The following DMP1 variants were observed in gnomAD, a reference collection of about 807,000 sequenced individuals.
The protein encoded by DMP1 is dentin matrix protein 1.
A neutral mutation model predicts 14.6 loss-of-function variants in DMP1; 20 were observed. The ratio of observed to expected loss-of-function variants is 1.37; its 90% CI spans 0.96 to 1.99. DMP1 has a LOEUF of 1.99. DMP1 is among the 30% of genes most tolerant of loss of function. DMP1 has a pLI of 0.00. For synonymous variants in DMP1, 197 were observed against 215.3 expected (o/e 0.91, Z 0.75); for missense variants, 567 against 620.5 (o/e 0.91, Z 0.92).
chr4:87,654,461 A>G (rs1252997195), intron 1 of DMP1, among the ~76,000 whole-genome samples: 1 of 152,188 alleles, frequency 6.6e-6, no homozygotes, highest in Non-Finnish European at 1.5e-5. Context: ...CAAATCAAAG[A>G]AAATGACTGA....
chr4:87,653,407 A>ATATATATATAATATATATATATATAT (rs1728582993), intron 1 of DMP1, among the ~76,000 whole-genome samples: 2 of 104,196 alleles, frequency 1.9e-5, no homozygotes, highest in Non-Finnish European at 4.0e-5. Context: ...ATATATATAT[A>ATATATATATAATATATATATATATAT]TATATATATA....
In DMP1 at chr4:87,659,428, C is replaced by T. The variant is rs192211990; in HGVS notation, c.136-3C>T. ...AGAAAAGTAAACATTTTTCCCCTTT[C>T]AGGAGAGCAGTGAGTCATCAGAAGG... On this transcript the variant is annotated splice_region_variant and splice_polypyrimidine_tract_variant and intron_variant, in intron 4 of 5. Coordinates refer to ENST00000339673, the MANE Select transcript of DMP1 (RefSeq NM_004407.4). 6.2e-7 allele frequency: 1 copy of T among 1,613,806 alleles called. No homozygotes were observed. Among genetic ancestry groups the T allele is most frequent in the African/African-American group, 1.3e-5 (1 of 74,918 alleles).
At chr4:87,654,360 A>G (rs1728626190) in intron 1 of DMP1, among the ~76,000 whole-genome samples, 1 of 152,136 alleles carries the variant, frequency 6.6e-6, no homozygotes, top group African/African-American at 2.4e-5. Flanking sequence ...GGGCAGGGGA[A>G]GGTCAGAGAG....
In DMP1 at chr4:87,659,239, C is replaced by A. The variant is rs1454653044; in HGVS notation, c.122C>A (p.Pro41Gln). The change falls in exon 4 of 6, where the codon CCA becomes CAA. Residue 41 changes from proline (P) to glutamine (Q), a missense_variant. Coordinates refer to ENST00000339673, the MANE Select transcript of DMP1 (RefSeq NM_004407.4). ...EEWKGHLAQA[P>Q]TPPLESSESS... is the part of the protein sequence containing the mutation. ...TTGCAGGGTCATTTGGCTCAGGCACCAACACCACCCTTGGTAACTATCTCA... is the reference window on the plus strand; with the variant it reads ...TTGCAGGGTCATTTGGCTCAGGCACAAACACCACCCTTGGTAACTATCTCA... The A allele has an allele frequency of 6.2e-7, 1 of 1,613,892 alleles. No homozygotes were observed. The highest frequency in any genetic ancestry group is 1.3e-5 in the African/African-American group (1 of 74,896).
chr4:87,659,373 G>GT, intron 4 of DMP1, 58 bp from the exon 5 acceptor site: 3 of 1,603,132 alleles, frequency 1.9e-6, no homozygotes, highest in Non-Finnish European at 2.6e-6. Context: ...TGTGTATCAT[G>GT]TTTTTTTCTT....
In DMP1 at chr4:87,661,403, T is replaced by C. The variant is rs187088868; in HGVS notation, c.184-559T>C. On this transcript the variant is annotated intron_variant, in intron 5 of 5. Transcript: ENST00000339673. ...CGCCCGGCTAATTTTTTGTATTTTT[T>C]AGTAGAGACGGGGTTTCACCGTGTT... Among the ~76,000 whole-genome samples, 674 of 151,882 alleles carry C rather than the reference T, an allele frequency of 4.4e-3. 5 individuals carry two copies. The highest frequency in any genetic ancestry group is 0.015 in the African/African-American group (635 of 41,446).
Position 87,662,405 on chromosome 4 carries a change from G to A in DMP1, c.627G>A (p.Glu209=). The change falls in exon 6 of 6, where the codon GAG becomes GAA. Residue 209 remains glutamate (E), a synonymous_variant. Coordinates refer to ENST00000339673, the MANE Select transcript of DMP1 (RefSeq NM_004407.4). ...AGAGCAGCCATGGAGACGGCTCCGAGTTGGACGATGAGGGAATGCAGAGTG... is the reference window on the plus strand; with the variant it reads ...AGAGCAGCCATGGAGACGGCTCCGAATTGGACGATGAGGGAATGCAGAGTG... ...DGESSHGDGS[E]LDDEGMQSDD... 6.2e-7 allele frequency: 1 copy of A among 1,614,202 alleles called. No homozygotes were observed. Among genetic ancestry groups the A allele is most frequent in the Non-Finnish European group, 8.5e-7 (1 of 1,180,046 alleles).
At chr4:87,661,320 C>CA (rs1191612776) in intron 5 of DMP1, among the ~76,000 whole-genome samples, 4 of 146,832 alleles carry the variant, frequency 2.7e-5, no homozygotes, top group African/African-American at 1.0e-4. Context: ...CCCTGGGGTT[C>CA]ACGCCATTCT....
At chr4:87,651,689 A>G (rs1474461190) in intron 1 of DMP1, among the ~76,000 whole-genome samples, 1 of 152,138 alleles carries the variant, frequency 6.6e-6, no homozygotes, top group Non-Finnish European at 1.5e-5. Context: ...TTTTGAGAAT[A>G]TGGGCTAGAA....
chr4:87,650,656 A>G (rs1056459494), intron 1 of DMP1, among the ~76,000 whole-genome samples: 7 of 152,336 alleles, frequency 4.6e-5, no homozygotes, highest in African/African-American at 1.4e-4. Context: ...GGGATAGTTT[A>G]TAGAACAGGA....
At chr4:87,653,817 C>T (rs1331173180) in intron 1 of DMP1, among the ~76,000 whole-genome samples, 1 of 151,992 alleles carries the variant, frequency 6.6e-6, no homozygotes, top group Non-Finnish European at 1.5e-5. Context: ...GGAAAACTTC[C>T]CCCTCACCCT....
In DMP1 at chr4:87,663,923, CGGGAAATTCT is replaced by C; in HGVS notation, c.*604_*613del. On this transcript the variant is annotated 3_prime_UTR_variant, in exon 6 of 6. Coordinates refer to ENST00000339673, the MANE Select transcript of DMP1 (RefSeq NM_004407.4). ...TGCATAGGGTTTCCTCATTGGAGAC[CGGGAAATTCT>C]ATTCTTGGGATAAATAATAGTAAAT... The C allele has an allele frequency of 6.5e-6, 1 of 154,314 alleles. No individual in the cohort carries two copies. 9.6% of individuals were successfully genotyped at this position (154,314 alleles called of 1,614,324 possible). A position where few individuals can be genotyped will look rare whatever the true frequency, so the allele number is the denominator to read the frequency against.
intron 3 of DMP1, 77 bp downstream of exon 3, chr4:87,657,156 A>T: frequency 2.3e-6 from 2 of 861,606 alleles, no homozygotes; most frequent in Non-Finnish European, 3.9e-6. Context: ...TTCATTGCAA[A>T]TATTGAAACT....
At position 87,661,947 on chromosome 4, in the gene DMP1, A is replaced by T; in HGVS notation, c.184-15A>T. ...TCCTGGAATACTGACCATATCTGTT[A>T]ACCCCAAATTCTAGGCAAATGAAGA... is the stretch of plus-strand genomic sequence containing the variant. On this transcript the variant is annotated splice_polypyrimidine_tract_variant and intron_variant, in intron 5 of 5. Transcript: ENST00000339673. 6.2e-7 allele frequency: 1 copy of T among 1,614,146 alleles called. No individual in the cohort carries two copies. Among genetic ancestry groups the T allele is most frequent in the Non-Finnish European group, 8.5e-7 (1 of 1,180,012 alleles).
At chr4:87,654,162 G>A (rs1163150333) in intron 1 of DMP1, among the ~76,000 whole-genome samples, 1 of 151,332 alleles carries the variant, frequency 6.6e-6, no homozygotes, top group African/African-American at 2.4e-5. Flanking sequence ...AATTAAACTA[G>A]GGGGGTCAGA....
Position 87,662,556 on chromosome 4 carries a change from C to CT in DMP1, c.779dup (p.Glu261GlyfsTer5). On this transcript the variant is annotated frameshift_variant, in exon 6 of 6. Transcript: ENST00000339673. LOFTEE classifies it low-confidence loss of function (END_TRUNC). The stretch of plus-strand genomic sequence containing the variant: ...TCAAGATTCAGGTGGCAGCCAATTG[C>CT]TGGAGCATCCCAGTAGGAAAATTTT... The CT allele has an allele frequency of 6.2e-7, 1 of 1,614,132 alleles. No homozygotes were observed. The highest frequency in any genetic ancestry group is 2.2e-5 in the East Asian group (1 of 44,882).
At chr4:87,656,385 G>A (rs1728694577) in intron 1 of DMP1, 87 bp from the exon 2 acceptor site, 11 of 798,180 alleles carry the variant, frequency 1.4e-5, no homozygotes, top group Admixed American at 1.4e-4. Context: ...ACATTTGGAT[G>A]AATTTTTAGT....
At chr4:87,655,075 C>A (rs1052727705) in intron 1 of DMP1, among the ~76,000 whole-genome samples, 7 of 152,156 alleles carry the variant, frequency 4.6e-5, no homozygotes, top group Non-Finnish European at 7.3e-5. Context: ...GGTTGACTTT[C>A]CCTTTGACTT....
intron 1 of DMP1, among the ~76,000 whole-genome samples, chr4:87,653,802 C>T (rs1728602965): frequency 6.6e-6 from 1 of 151,836 alleles, no homozygotes; most frequent in African/African-American, 2.4e-5. Flanking sequence ...ATTTTAGGGG[C>T]CAAGGGAAAA....
Sources: allele counts gnomAD v4.1 joint callset (sites outside exome capture counted in the v4.1 genomes callset), GRCh38; gene constraint gnomAD v4.1.1; transcripts MANE v1.5; gene names NCBI Gene and HGNC (gene_info 2026-07-23, HGNC 2026-07-21).